The following PDS5B variants were observed in gnomAD, a reference collection of about 807,000 sequenced individuals.
PDS5B encodes sister chromatid cohesion protein PDS5 homolog B.
A neutral mutation model predicts 184.1 loss-of-function variants in PDS5B; 51 were observed. The ratio of observed to expected loss-of-function variants is 0.28; its 90% CI spans 0.22 to 0.35. The LOEUF (loss-of-function observed/expected upper bound fraction) is 0.35. Among genes scored for constraint, PDS5B ranks in the 10% least tolerant of loss-of-function variants. PDS5B has a pLI of 1.00. For missense variants in PDS5B, 1,180 were observed against 1,723.3 expected (o/e 0.68, Z 5.58); for synonymous variants, 566 against 569.2 (o/e 0.99, Z 0.08).
chr13:32,665,258 A>G (rs1950753730), intron 6 of PDS5B, among the ~76,000 whole-genome samples: 1 of 152,216 alleles, frequency 6.6e-6, no homozygotes, highest in African/African-American at 2.4e-5. Flanking sequence ...ATAAAGGTCT[A>G]AATGTGAAAA....
At chr13:32,651,119 C>T (rs1341680480) in intron 2 of PDS5B, among the ~76,000 whole-genome samples, 1 of 152,126 alleles carries the variant, frequency 6.6e-6, no homozygotes, top group Non-Finnish European at 1.5e-5. Flanking sequence ...ATTTTCTATT[C>T]ACCTTTTATA....
intron 1 of PDS5B, among the ~76,000 whole-genome samples, chr13:32,612,845 A>G (rs1333587887): frequency 6.6e-6 from 1 of 152,124 alleles, no homozygotes; most frequent in Non-Finnish European, 1.5e-5. Flanking sequence ...AGTCTCCATA[A>G]TTGTCAGCCA....
chr13:32,591,588 A>G (rs1254114799), intron 1 of PDS5B, among the ~76,000 whole-genome samples: 1 of 152,172 alleles, frequency 6.6e-6, no homozygotes, highest in Non-Finnish European at 1.5e-5. Context: ...AATAGTTTAC[A>G]TTGACCAGCA....
intron 3 of PDS5B, chr13:32,652,221 TA>T (rs1376403736): frequency 2.3e-5 from 10 of 430,206 alleles, no homozygotes; most frequent in African/African-American, 1.0e-4. Flanking sequence ...ATACAGTGTG[TA>T]TTTTTTTTAT....
chr13:32,736,919 TCACATATATA>T (rs1195508260), intron 21 of PDS5B, among the ~76,000 whole-genome samples: 1 of 152,152 alleles, frequency 6.6e-6, no homozygotes, highest in Non-Finnish European at 1.5e-5. Flanking sequence ...ATTCTTAATT[TCACATATATA>T]CACATACTTC....
intron 22 of PDS5B, 33 bp from the exon 23 acceptor site, chr13:32,742,558 A>G: frequency 1.3e-6 from 2 of 1,559,970 alleles, no homozygotes; most frequent in South Asian, 2.4e-5. Context: ...AAAATGTACC[A>G]GTGTTTTATT....
chr13:32,689,761 T>C (rs1157191865), intron 13 of PDS5B: 1 of 152,186 alleles, frequency 6.6e-6, no homozygotes, highest in Non-Finnish European at 1.5e-5. Flanking sequence ...TTGTAAACTT[T>C]TCTCTGGAAT....
Position 32,770,759 on chromosome 13 carries a change from T to C in PDS5B, c.4170T>C (p.Asn1390=), listed in dbSNP as rs760519559. 3 of 1,585,590 alleles carry C rather than the reference T, an allele frequency of 1.9e-6. No homozygotes were observed. Among genetic ancestry groups the C allele is most frequent in the East Asian group, 4.6e-5 (2 of 43,056 alleles). Residue 1390 remains asparagine (N), a splice_region_variant and synonymous_variant, in exon 33 of 35, where the codon AAT becomes AAC. Coordinates refer to ENST00000315596, the MANE Select transcript of PDS5B (RefSeq NM_015032.4). ...CATCACCATCACAACCAAAAAAAAA[T>C]GTGTAAGTTGTAAATATTACATTTC... ...KTPSPSQPKK[N]VRVGRSKQAA...
At chr13:32,677,263 A>T (rs1463276421) in intron 9 of PDS5B, among the ~76,000 whole-genome samples, 2 of 152,006 alleles carry the variant, frequency 1.3e-5, no homozygotes, top group South Asian at 2.1e-4. Context: ...AGTTTAAATT[A>T]TGCAACTTAA....
chr13:32,592,345 T>C (rs1044258311), intron 1 of PDS5B, among the ~76,000 whole-genome samples: 7 of 150,036 alleles, frequency 4.7e-5, no homozygotes, highest in Non-Finnish European at 8.9e-5. Context: ...GCCTCGGCCT[T>C]GGCAGGTTCA....
At chr13:32,742,962 A>G (rs866326683) in intron 23 of PDS5B, among the ~76,000 whole-genome samples, 4 of 150,174 alleles carry the variant, frequency 2.7e-5, no homozygotes, top group South Asian at 2.1e-4. Flanking sequence ...AGATTCTTAC[A>G]TTTTAGAATA....
intron 24 of PDS5B, among the ~76,000 whole-genome samples, chr13:32,750,185 A>T (rs773694561): frequency 6.6e-6 from 1 of 152,144 alleles, no homozygotes; most frequent in African/African-American, 2.4e-5. Context: ...CATCACTTTG[A>T]TGACTTTTTG....
intron 30 of PDS5B, among the ~76,000 whole-genome samples, chr13:32,761,219 A>G (rs1593631300): frequency 6.6e-6 from 1 of 152,212 alleles, no homozygotes; most frequent in Non-Finnish European, 1.5e-5. Context: ...TCTTAACAGT[A>G]TTTATGTTAA....
rs1421041286 is a variant in PDS5B at position 32,770,205 on chromosome 13, T to C, written c.3709T>C (p.Leu1237=). 1.2e-6 allele frequency: 2 copies of C among 1,613,436 alleles called. No individual in the cohort carries two copies. The highest frequency in any genetic ancestry group is 1.7e-6 in the Non-Finnish European group (2 of 1,179,918). The change falls in exon 32 of 35, where the codon TTG becomes CTG. Residue 1237 remains leucine (L), a synonymous_variant. Transcript: ENST00000315596. ...ATTAGGTATGGATGACTTGACTAAG[T>C]TGGTACAGGAACAGAAACCTAAAGG... is the stretch of plus-strand genomic sequence containing the variant. The part of the protein sequence containing the change: ...EKLGMDDLTK[L]VQEQKPKGSQ...
intron 30 of PDS5B, 25 bp downstream of exon 30, chr13:32,760,745 T>G (rs1954366509): frequency 6.2e-7 from 1 of 1,602,908 alleles, no homozygotes; most frequent in African/African-American, 1.3e-5. Flanking sequence ...AATGCCACAA[T>G]TTACATTTAA....
chr13:32,631,114 C>CTTTTT (rs766844209), intron 1 of PDS5B, among the ~76,000 whole-genome samples: 5 of 123,744 alleles, frequency 4.0e-5, no homozygotes, highest in Non-Finnish European at 5.3e-5. Context: ...TTCTTTTTTT[C>CTTTTT]TTTCTTTTTT....
rs553423815 is a variant in PDS5B, at chr13:32,711,650, G to A, written c.2123+1544G>A. Among the ~76,000 whole-genome samples the A allele has an allele frequency of 1.8e-4, 28 of 152,250 alleles. 1 individual carries two copies. The South Asian group carries it at 3.7e-3, about 20-fold the overall frequency. ...TGGGATTACAGGCATGAACCACCGC[G>A]CCTGGCCTTGACTTCTAATTTTTAA... On this transcript the variant is annotated intron_variant, in intron 19 of 34. Coordinates refer to ENST00000315596, the MANE Select transcript of PDS5B (RefSeq NM_015032.4).
intron 1 of PDS5B, among the ~76,000 whole-genome samples, chr13:32,604,393 A>G (rs28803274): frequency 0.34 from 51,483 of 152,052 alleles, 8,956 homozygotes; most frequent in Non-Finnish European, 0.38. Flanking sequence ...ATTTGCGTAT[A>G]TTGAACCAGC....
chr13:32,649,659 A>G (rs963264766), intron 2 of PDS5B: 3 of 152,146 alleles, frequency 2.0e-5, no homozygotes, highest in African/African-American at 7.2e-5. Context: ...ACTCTTCTTT[A>G]TTGCTACATG....
Sources: gnomAD v4.1 joint callset for allele counts (sites outside exome capture counted in the v4.1 genomes callset) on GRCh38, gnomAD v4.1.1 for gene constraint, MANE v1.5 for transcripts, NCBI Gene and HGNC (gene_info 2026-07-23, HGNC 2026-07-21) for gene names.